The following LIPG variants were observed in gnomAD, a reference collection of about 807,000 sequenced individuals.
The protein encoded by LIPG is lipase G, endothelial type.
LIPG carries 34 observed loss-of-function variants against 51.8 expected under a neutral mutation model. The observed-to-expected ratio is 0.66, with a 90% CI of 0.50 to 0.87. LIPG has a LOEUF of 0.87. Among genes scored for constraint, LIPG ranks in the 40% least tolerant of loss-of-function variants. The pLI, the probability that LIPG is intolerant of heterozygous loss-of-function variation, is 0.00. For missense variants in LIPG, 580 were observed against 652.7 expected (o/e 0.89, Z 1.21); for synonymous variants, 246 against 246.1 (o/e 1.00, Z 0.00).
In LIPG at chr18:49,581,408, C is replaced by T. The variant is rs779522434; in HGVS notation, c.794-7C>T. On this transcript the variant is annotated splice_region_variant and splice_polypyrimidine_tract_variant and intron_variant, in intron 5 of 9. Transcript: ENST00000261292. ...TCCTGCATGCTTTTTATCTCTCCCA[C>T]CCCCAGCAATCACAGAGGTGGTAAA... 1.2e-6 allele frequency: 2 copies of T among 1,614,194 alleles called. No individual in the cohort carries two copies. The highest frequency in any genetic ancestry group is 2.2e-5 in the South Asian group (2 of 91,078).
intron 9 of LIPG, chr18:49,590,072 C>A: frequency 3.2e-6 from 1 of 312,086 alleles, no homozygotes; most frequent in Non-Finnish European, 6.2e-6. Flanking sequence ...TCCTAACTCT[C>A]AGTCTTGCCC....
chr18:49,573,745 T>C (rs2084687032), intron 4 of LIPG, among the ~76,000 whole-genome samples: 1 of 152,198 alleles, frequency 6.6e-6, no homozygotes, highest in East Asian at 1.9e-4. Flanking sequence ...AGTCTCCTGA[T>C]AGGCTCCCTG....
Position 49,596,157 on chromosome 18 carries a change from C to G in LIPG, c.*5635C>G, listed in dbSNP as rs533947096. On this transcript the variant is annotated 3_prime_UTR_variant, in exon 10 of 10. Transcript: ENST00000261292. ...GTAGAAGTTAAAACCATCAACCCCC[C>G]CAAAACAAAAATGAATTCCATCTGA... 2.0e-5 allele frequency: 3 copies of G among 151,916 alleles called. No individual in the cohort carries two copies. The highest frequency in any genetic ancestry group is 2.4e-5 in the African/African-American group (1 of 41,360). 9.4% of individuals were successfully genotyped at this position (151,916 alleles called of 1,614,324 possible).
chr18:49,567,414 A>G, intron 2 of LIPG, 28 bp from the exon 3 acceptor site: 2 of 1,607,962 alleles, frequency 1.2e-6, no homozygotes, highest in Non-Finnish European at 1.7e-6. Flanking sequence ...AACCAAGAAT[A>G]AAAAACAACT....
chr18:49,573,365 T>G (rs948225749), intron 4 of LIPG, among the ~76,000 whole-genome samples: 2 of 152,160 alleles, frequency 1.3e-5, no homozygotes, highest in Admixed American at 1.3e-4. Flanking sequence ...GGTCCTGGGC[T>G]AGGGATAAAC....
rs972406474 is a variant in LIPG at position 49,598,421 on chromosome 18, C to T, written c.*7899C>T. On this transcript the variant is annotated 3_prime_UTR_variant, in exon 10 of 10. Transcript: ENST00000261292. ...TGTTGCTCAGGTTGGTCTCAAACTC[C>T]TGGGCTCAAGCAATCCACCCAACTT... The T allele has an allele frequency of 6.5e-6, 1 of 152,880 alleles. No homozygotes were observed. The highest frequency in any genetic ancestry group is 2.4e-5 in the African/African-American group (1 of 41,470). The allele number at this position is 152,880 out of a possible 1,614,324, so 9.5% of individuals were successfully genotyped here.
chr18:49,582,287 G>T, intron 6 of LIPG, 75 bp from the exon 7 acceptor site: 1 of 1,594,324 alleles, frequency 6.3e-7, no homozygotes, highest in Non-Finnish European at 8.6e-7. Flanking sequence ...CTGTGCTGGT[G>T]ACTCAGTTTG....
At chr18:49,584,006 G>C (rs1241046395) in intron 8 of LIPG, among the ~76,000 whole-genome samples, 1 of 152,194 alleles carries the variant, frequency 6.6e-6, no homozygotes, top group Non-Finnish European at 1.5e-5. Context: ...TGGGCCAGTG[G>C]AGGCAGTAAT....
At chr18:49,561,876 T>C (rs978811875), upstream of LIPG, 4 of 1,272,394 alleles carry the variant, frequency 3.1e-6, no homozygotes, top group Non-Finnish European at 4.0e-6. Context: ...GGGCCGAGCG[T>C]GCGGCGTCCA....
chr18:49,579,869 AATGGTGTG>A (rs919313616), intron 5 of LIPG, among the ~76,000 whole-genome samples: 3 of 148,030 alleles, frequency 2.0e-5, no homozygotes, highest in African/African-American at 7.6e-5. Context: ...GCTGGAGTGC[AATGGTGTG>A]ATCTCTGCTC....
chr18:49,590,696 C>G lies in LIPG; in HGVS notation c.*174C>G. The G allele has an allele frequency of 1.4e-6, 1 of 701,366 alleles. No individual in the cohort carries two copies. Among genetic ancestry groups the G allele is most frequent in the East Asian group, 2.7e-5 (1 of 37,042 alleles). 43.4% of individuals were successfully genotyped at this position (701,366 alleles called of 1,614,324 possible). On this transcript the variant is annotated 3_prime_UTR_variant, in exon 10 of 10. Coordinates refer to ENST00000261292, the MANE Select transcript of LIPG (RefSeq NM_006033.4). ...GGCTGGGACTCCTCGCGGGAGGGGA[C>G]TGCGCTGCTATAGCTCTTGCTGCCT...
At chr18:49,565,729 G>A (rs1366500892) in intron 2 of LIPG, among the ~76,000 whole-genome samples, 13 of 152,172 alleles carry the variant, frequency 8.5e-5, no homozygotes. Flanking sequence ...TTCAGAAAGT[G>A]GCTCTCCTGA....
chr18:49,562,439 C>A lies in LIPG; in HGVS notation c.97+34C>A, dbSNP rs201697630. ...AATTTGTTTTTATTCCCCCCAGCCA[C>A]TTCTCTGTGCTGGGTCCCCTCTGTC... On this transcript the variant is annotated intron_variant, in intron 1 of 9. Transcript: ENST00000261292. The A allele has an allele frequency of 1.0e-4, 155 of 1,549,840 alleles. 1 individual carries two copies. The African/African-American group carries it at 2.0e-3, about 20-fold the overall frequency.
chr18:49,589,178 T>C (rs1261728147), intron 9 of LIPG, among the ~76,000 whole-genome samples: 1 of 152,142 alleles, frequency 6.6e-6, no homozygotes, highest in Non-Finnish European at 1.5e-5. Context: ...CGGGGTCCCC[T>C]GTGATTAACC....
upstream of LIPG, chr18:49,561,802 C>T (rs545971293): frequency 3.3e-5 from 42 of 1,256,004 alleles, no homozygotes; most frequent in African/African-American, 6.3e-4. Flanking sequence ...CGGAGGAGGG[C>T]AGTGGGAGAA....
At position 49,581,081 on chromosome 18, in the gene LIPG, A is replaced by G. The variant is rs141912514; in HGVS notation, c.794-334A>G. ...CAAGACCAGCCTGGGCAATGTGGTG[A>G]AACCCTGTATCTACAAAAACTACAA... On this transcript the variant is annotated intron_variant, in intron 5 of 9. Coordinates refer to ENST00000261292, the MANE Select transcript of LIPG (RefSeq NM_006033.4). Among the ~76,000 whole-genome samples the G allele has an allele frequency of 4.2e-3, 642 of 152,272 alleles. 5 individuals carry two copies. Among genetic ancestry groups the G allele is most frequent in the African/African-American group, 0.015 (615 of 41,550 alleles).
intron 5 of LIPG, among the ~76,000 whole-genome samples, chr18:49,576,456 G>T (rs1231002113): frequency 1.8e-3 from 56 of 31,174 alleles, no homozygotes; most frequent in South Asian, 2.8e-3. Context: ...ACAGAATCTT[G>T]CTTTTTTTTT....
chr18:49,579,262 AT>A lies in LIPG; in HGVS notation c.794-2148del, dbSNP rs559005540. ...GGCTCACCGGATACACTCTATTTTA[AT>A]TTTTGGTAACATTTTAAAGAAGCAA... is the stretch of plus-strand genomic sequence containing the variant. On this transcript the variant is annotated intron_variant, in intron 5 of 9. Coordinates refer to ENST00000261292, the MANE Select transcript of LIPG (RefSeq NM_006033.4). Among the ~76,000 whole-genome samples the A allele has an allele frequency of 2.8e-5, 4 of 144,158 alleles. 1 individual carries two copies. The East Asian group carries it at 8.4e-4, about 30-fold the overall frequency. The allele number at this position is 144,158 out of a possible 152,430, so 94.6% of individuals were successfully genotyped here.
At chr18:49,578,147 G>T (rs1387784339) in intron 5 of LIPG, among the ~76,000 whole-genome samples, 1 of 147,248 alleles carries the variant, frequency 6.8e-6, no homozygotes, top group Non-Finnish European at 1.5e-5. Flanking sequence ...CCTCCCGGAC[G>T]GGGTGGCTGC....
Sources: allele counts gnomAD v4.1 joint callset (sites outside exome capture counted in the v4.1 genomes callset), GRCh38; gene constraint gnomAD v4.1.1; transcripts MANE v1.5; gene names NCBI Gene and HGNC (gene_info 2026-07-23, HGNC 2026-07-21).